The following SLC2A14 variants were observed in gnomAD, a reference collection of about 807,000 sequenced individuals.
The protein encoded by SLC2A14 is solute carrier family 2 member 14.
Under a neutral mutation model 43.0 loss-of-function variants are expected in SLC2A14, and 13 were observed. The ratio of observed to expected loss-of-function variants is 0.30; its 90% CI spans 0.20 to 0.48. The LOEUF (loss-of-function observed/expected upper bound fraction) is 0.48, where lower values mean the gene tolerates loss of function less well. Ranked by LOEUF, SLC2A14 falls within the 20% of genes least tolerant of loss-of-function variation. The probability of loss-of-function intolerance (pLI) is 0.99; values close to 1 mark genes in which losing one functional copy is unlikely to be tolerated. For missense variants in SLC2A14, 428 were observed against 620.4 expected, an observed-to-expected ratio of 0.69 and a Z score of 3.29; for synonymous variants, 190 against 233.8, an observed-to-expected ratio of 0.81 and a Z score of 1.71.
intron 2 of SLC2A14, among the ~76,000 whole-genome samples, chr12:7,867,815 A>G (rs181789984): frequency 6.7e-6 from 1 of 149,860 alleles, no homozygotes; most frequent in East Asian, 2.0e-4. Flanking sequence ...ACTGCACTCC[A>G]GACTGGGTGA....
chr12:7,870,894 C>T (rs900911431), intron 1 of SLC2A14: 34 of 1,366,924 alleles, frequency 2.5e-5, no homozygotes, highest in Middle Eastern at 2.1e-4. Flanking sequence ...CAAGAAGCGA[C>T]CACAGCACAA....
At chr12:7,846,030 C>T (rs780007608) in intron 2 of SLC2A14, among the ~76,000 whole-genome samples, 1 of 149,966 alleles carries the variant, frequency 6.7e-6, no homozygotes, top group East Asian at 2.0e-4. Flanking sequence ...GAGGTCGAGG[C>T]TGCAGAGAGC....
At chr12:7,838,869 T>C (rs1481273512) in intron 2 of SLC2A14, among the ~76,000 whole-genome samples, 1 of 152,186 alleles carries the variant, frequency 6.6e-6, no homozygotes, top group Non-Finnish European at 1.5e-5. Context: ...TAAGATTACA[T>C]GAAGTCACTA....
At chr12:7,842,575 T>C (rs1355627032) in intron 2 of SLC2A14, among the ~76,000 whole-genome samples, 1 of 152,168 alleles carries the variant, frequency 6.6e-6, no homozygotes, top group Non-Finnish European at 1.5e-5. Context: ...CTAGCAGTGC[T>C]CTAAAGCTAT....
intron 2 of SLC2A14, among the ~76,000 whole-genome samples, chr12:7,859,836 A>G (rs1944448780): frequency 6.6e-6 from 1 of 152,202 alleles, no homozygotes; most frequent in African/African-American, 2.4e-5. Flanking sequence ...CCTACCCTGT[A>G]GTACTTTCAG....
intron 2 of SLC2A14, among the ~76,000 whole-genome samples, chr12:7,859,496 C>T (rs1254201426): frequency 6.6e-6 from 1 of 151,918 alleles, no homozygotes; most frequent in Non-Finnish European, 1.5e-5. Flanking sequence ...TTATACATGA[C>T]CAGGGCTAGG....
intron 1 of SLC2A14, among the ~76,000 whole-genome samples, chr12:7,884,081 A>G (rs1256385769): frequency 7.3e-6 from 1 of 137,706 alleles, no homozygotes; most frequent in Non-Finnish European, 1.6e-5. Flanking sequence ...CTGCCACCAC[A>G]ACTGGCTAAT....
chr12:7,834,949 A>C (rs1865323981), intron 2 of SLC2A14, among the ~76,000 whole-genome samples: 1 of 152,214 alleles, frequency 6.6e-6, no homozygotes, highest in South Asian at 2.1e-4. Context: ...TCTTCAGTGT[A>C]CTTTGGGAGG....
intron 7 of SLC2A14, among the ~76,000 whole-genome samples, chr12:7,821,899 A>G (rs1863946430): frequency 7.1e-6 from 1 of 141,308 alleles, no homozygotes; most frequent in Non-Finnish European, 1.5e-5. Flanking sequence ...ATCTCGGCTC[A>G]CTGCAACCTC....
chr12:7,887,358 C>G (rs1565592343), intron 1 of SLC2A14, among the ~76,000 whole-genome samples: 1 of 151,960 alleles, frequency 6.6e-6, no homozygotes, highest in Non-Finnish European at 1.5e-5. Context: ...TTCCTGATCC[C>G]TACCACCAAA....
chr12:7,814,282 C>T lies in SLC2A14; in HGVS notation c.*34G>A. ...CCCTTGTTGAGGGAGAGGTGGCTTT[C>T]CCATGCCGGGAGGGAGGTGGAAGGA... On this transcript the variant is annotated 3_prime_UTR_variant, in exon 11 of 11. Coordinates refer to ENST00000431042, the MANE Select transcript of SLC2A14 (RefSeq NM_001286234.2). 1 of 1,519,126 alleles carries T rather than the reference C, an allele frequency of 6.6e-7. No homozygotes were observed. The highest frequency in any genetic ancestry group is 9.0e-7 in the Non-Finnish European group (1 of 1,109,836). 94.1% of individuals were successfully genotyped at this position (1,519,126 alleles called of 1,614,324 possible).
At chr12:7,856,548 AT>A (rs1228494229) in intron 2 of SLC2A14, 1 of 152,230 alleles carries the variant, frequency 6.6e-6, no homozygotes, top group African/African-American at 2.4e-5. Flanking sequence ...AAGAAAAGCT[AT>A]CTCTAACCCA....
chr12:7,841,461 A>T (rs1865939301), intron 2 of SLC2A14, among the ~76,000 whole-genome samples: 1 of 151,958 alleles, frequency 6.6e-6, no homozygotes, highest in Admixed American at 6.6e-5. Context: ...GGGTTTTGCC[A>T]TGTTGGCCAG....
intron 2 of SLC2A14, 124 bp from the exon 3 acceptor site, chr12:7,832,938 C>A (rs1865156479): frequency 2.4e-6 from 2 of 841,894 alleles, no homozygotes; most frequent in Non-Finnish European, 3.7e-6. Flanking sequence ...AAAGGACAAA[C>A]ATCAAACGAG....
At chr12:7,815,273 G>A (rs1331418304) in intron 10 of SLC2A14, among the ~76,000 whole-genome samples, 2 of 151,840 alleles carry the variant, frequency 1.3e-5, no homozygotes. Flanking sequence ...AAAAATTGCT[G>A]GGAGTGGTGG....
At chr12:7,878,046 GTTTTTTA>G (rs1945493634), upstream of SLC2A14, among the ~76,000 whole-genome samples, 2 of 150,436 alleles carry the variant, frequency 1.3e-5, no homozygotes, top group South Asian at 2.1e-4. Context: ...CGGCCTTATT[GTTTTTTA>G]TTTTTTATTT....
At chr12:7,823,668 C>T (rs757192461) in intron 7 of SLC2A14, among the ~76,000 whole-genome samples, 4 of 151,776 alleles carry the variant, frequency 2.6e-5, no homozygotes, top group South Asian at 2.1e-4. Context: ...TGCGGTGAGC[C>T]GAGATCGCAC....
At chr12:7,866,249 A>G (rs1343324914) in intron 2 of SLC2A14, among the ~76,000 whole-genome samples, 1 of 151,140 alleles carries the variant, frequency 6.6e-6, no homozygotes, top group African/African-American at 2.4e-5. Context: ...AAAAGAAAAG[A>G]AAGTGAAACA....
At chr12:7,862,109 C>T (rs1944596434) in intron 2 of SLC2A14, among the ~76,000 whole-genome samples, 1 of 151,048 alleles carries the variant, frequency 6.6e-6, no homozygotes, top group Non-Finnish European at 1.5e-5. Flanking sequence ...ACTAAAAATA[C>T]AAAAATTATC....
Sources: allele counts gnomAD v4.1 joint callset (sites outside exome capture counted in the v4.1 genomes callset), GRCh38; gene constraint gnomAD v4.1.1; transcripts MANE v1.5; gene names NCBI Gene and HGNC (gene_info 2026-07-23, HGNC 2026-07-21).